AP2A1: variants seen among roughly 807,000 people sequenced by gnomAD.
The protein encoded by AP2A1 is AP-2 complex subunit alpha-1.
Under a neutral mutation model 107.3 loss-of-function variants are expected in AP2A1, and 21 were observed. The ratio of observed to expected loss-of-function variants is 0.20; its 90% CI spans 0.14 to 0.28. The LOEUF (loss-of-function observed/expected upper bound fraction) is 0.28, where lower values mean the gene tolerates loss of function less well. Among genes scored for constraint, AP2A1 ranks in the 10% least tolerant of loss-of-function variants. The probability of loss-of-function intolerance (pLI) is 1.00; values close to 1 mark genes in which losing one functional copy is unlikely to be tolerated. For missense variants in AP2A1, 873 were observed against 1,307.7 expected (o/e 0.67, Z 5.13); for synonymous variants, 602 against 564.8 (o/e 1.07, Z -0.93).
intron 1 of AP2A1, among the ~76,000 whole-genome samples, chr19:49,778,595 A>G (rs946929423): frequency 7.2e-5 from 11 of 152,070 alleles, no homozygotes; most frequent in African/African-American, 2.7e-4. Flanking sequence ...AGATAAAACA[A>G]AAAAACCTGC....
At chr19:49,779,033 C>CA (rs35911768) in intron 1 of AP2A1, among the ~76,000 whole-genome samples, 35,125 of 120,820 alleles carry the variant, frequency 0.29, 4,617 homozygotes, top group Middle Eastern at 0.31. Context: ...TCATTGCTAC[C>CA]AAAAAAAAAA....
At chr19:49,790,935 C>G (rs553546315) in intron 4 of AP2A1, among the ~76,000 whole-genome samples, 1 of 152,236 alleles carries the variant, frequency 6.6e-6, no homozygotes, top group African/African-American at 2.4e-5. Flanking sequence ...CACGCTGATT[C>G]TCTGCTCACC....
intron 1 of AP2A1, among the ~76,000 whole-genome samples, chr19:49,771,168 T>G (rs2084552370): frequency 1.3e-5 from 2 of 151,766 alleles, no homozygotes. Flanking sequence ...GAGCTTCTTT[T>G]GGGTTCATGA....
Position 49,798,941 on chromosome 19 carries a change from C to G in AP2A1, c.954C>G (p.Ile318Met), listed in dbSNP as rs927679840. 1 of 1,552,660 alleles carries G rather than the reference C, an allele frequency of 6.4e-7. No homozygotes were observed. The highest frequency in any genetic ancestry group is 1.2e-5 in the South Asian group (1 of 84,110). The part of the protein sequence containing the change: ...AILFETISLI[I>M]HYDSEPNLLV... ...TCTTCGAGACCATCAGCCTCATCATCCACTATGACAGGTGCCCGCCTGGGC... is the reference window on the plus strand; with the variant it reads ...TCTTCGAGACCATCAGCCTCATCATGCACTATGACAGGTGCCCGCCTGGGC... The change falls in exon 8 of 23, where the codon ATC becomes ATG. Residue 318 changes from isoleucine to methionine, a missense_variant. Transcript: ENST00000354293.
chr19:49,803,125 C>T lies in AP2A1; in HGVS notation c.2190C>T (p.Asn730=), dbSNP rs1248560735. Residue 730 remains asparagine, a synonymous_variant, in exon 17 of 23, where the codon AAC becomes AAT. Transcript: ENST00000354293. The part of the protein sequence containing the change: ...ELLNKFVCKN[N]GVLFENQLLQ... Reference sequence around the variant, plus strand: ...CCCTCAGGTTTGTGTGTAAGAACAACGGGGTCCTGTTCGAGAACCAGCTGC... The same window carrying T: ...CCCTCAGGTTTGTGTGTAAGAACAATGGGGTCCTGTTCGAGAACCAGCTGC... The T allele has an allele frequency of 5.0e-6, 8 of 1,613,964 alleles. No homozygotes were observed. Among genetic ancestry groups the T allele is most frequent in the South Asian group, 1.1e-5 (1 of 91,072 alleles).
chr19:49,770,702 G>A (rs2084547578), intron 1 of AP2A1, among the ~76,000 whole-genome samples: 1 of 152,172 alleles, frequency 6.6e-6, no homozygotes, highest in Non-Finnish European at 1.5e-5. Context: ...ATGACACCAA[G>A]TGAAAGAAGC....
intron 3 of AP2A1, among the ~76,000 whole-genome samples, 154 bp from the exon 4 acceptor site, chr19:49,782,377 G>A (rs1383525388): frequency 1.3e-5 from 2 of 150,948 alleles, no homozygotes; most frequent in Non-Finnish European, 3.0e-5. Context: ...GGGCCTGGGG[G>A]CCTGGACTTG....
chr19:49,777,364 G>T (rs1193868498), intron 1 of AP2A1, among the ~76,000 whole-genome samples: 1 of 151,548 alleles, frequency 6.6e-6, no homozygotes, highest in African/African-American at 2.4e-5. Flanking sequence ...AGCCGGGCGC[G>T]GTGGCTCATG....
At chr19:49,773,186 G>A (rs568854734) in intron 1 of AP2A1, among the ~76,000 whole-genome samples, 2 of 152,302 alleles carry the variant, frequency 1.3e-5, no homozygotes, top group Admixed American at 6.5e-5. Context: ...GGCCCAGCCC[G>A]AGGGCGTGTT....
intron 1 of AP2A1, among the ~76,000 whole-genome samples, chr19:49,778,500 T>C (rs1428517408): frequency 6.6e-6 from 1 of 152,166 alleles, no homozygotes; most frequent in African/African-American, 2.4e-5. Context: ...GGAGAATCAC[T>C]TGAACCCAGG....
At chr19:49,795,518 T>C in intron 6 of AP2A1, 112 bp from the exon 7 acceptor site, 2 of 723,692 alleles carry the variant, frequency 2.8e-6, no homozygotes, top group Non-Finnish European at 4.8e-6. Context: ...AACAAAACCA[T>C]TAACACTGAC....
At chr19:49,801,364 C>G in intron 12 of AP2A1, 26 bp from the exon 13 acceptor site, 1 of 1,599,522 alleles carries the variant, frequency 6.3e-7, no homozygotes. Context: ...GAACCTGGCC[C>G]CGCTGACACC....
In AP2A1 at chr19:49,795,632, C is replaced by T. The variant is rs1464839915; in HGVS notation, c.708C>T (p.Ile236=). 9.6e-6 allele frequency: 12 copies of T among 1,247,780 alleles called. No individual in the cohort carries two copies. The highest frequency in any genetic ancestry group is 2.1e-4 in the Middle Eastern group (1 of 4,656). 77.3% of individuals were successfully genotyped at this position (1,247,780 alleles called of 1,614,324 possible). A position where few individuals can be genotyped will look rare whatever the true frequency, so the allele number is the denominator to read the frequency against. The part of the protein sequence containing the change: ...VSLAVSRLSR[I]VSSASTDLQD... ...TATTTCTTGCTCTTCCCCGCCAGAT[C>T]GTCTCCTCTGCCTCCACCGACCTCC... Residue 236 remains isoleucine, a splice_region_variant and synonymous_variant, in exon 7 of 23, where the codon ATC becomes ATT. Transcript: ENST00000354293.
At position 49,782,252 on chromosome 19, in the gene AP2A1, G is replaced by T. The variant is rs62129180; in HGVS notation, c.279+163G>T. Among the ~76,000 whole-genome samples, 3,159 of 149,914 alleles carry T rather than the reference G, an allele frequency of 0.021. 51 individuals are homozygous for T. Among genetic ancestry groups the T allele is most frequent in the South Asian group, 0.074 (336 of 4,528 alleles). On this transcript the variant is annotated intron_variant, in intron 3 of 22. Coordinates refer to ENST00000354293, the MANE Select transcript of AP2A1 (RefSeq NM_130787.3). ...GGGGCTCTGGACTGCTGGGTCTGAG[G>T]GAGGAGGGGGCTGGGGGTCTGGACT...
Position 49,805,661 on chromosome 19 carries a change from G to A in AP2A1, c.2469G>A (p.Arg823=), listed in dbSNP as rs188595465. 5.0e-4 allele frequency: 775 copies of A among 1,560,116 alleles called. 2 individuals carry two copies. In the African/African-American group the frequency reaches 9.2e-3, roughly 19 times the overall value. ...TGGAGCCTCCCTTTCACCTCATCAG[G>A]TACGGTGGCGCCCCCCAGGCCCTCA... ...LTPPLLSVRF[R]YGGAPQALTL... Residue 823 remains arginine (R), a splice_region_variant and synonymous_variant, in exon 20 of 23, where the codon CGG becomes CGA. Coordinates refer to ENST00000354293, the MANE Select transcript of AP2A1 (RefSeq NM_130787.3).
chr19:49,802,794 C>A, intron 15 of AP2A1, 155 bp from the exon 16 acceptor site: 2 of 1,047,996 alleles, frequency 1.9e-6, no homozygotes, highest in Non-Finnish European at 2.8e-6. Flanking sequence ...GAGGCCACTG[C>A]TGGATGGATG....
intron 4 of AP2A1, among the ~76,000 whole-genome samples, chr19:49,791,229 T>A (rs2073138593): frequency 6.6e-6 from 1 of 152,176 alleles, no homozygotes; most frequent in Non-Finnish European, 1.5e-5. Flanking sequence ...TATTTTTAAA[T>A]TTTTTTATTT....
At chr19:49,773,384 A>T (rs2084585213) in intron 1 of AP2A1, among the ~76,000 whole-genome samples, 1 of 152,186 alleles carries the variant, frequency 6.6e-6, no homozygotes, top group South Asian at 2.1e-4. Flanking sequence ...TCCCACTCCA[A>T]ATGGTGATCC....
intron 21 of AP2A1, 48 bp downstream of exon 21, chr19:49,805,989 C>G (rs770398553): frequency 4.5e-5 from 73 of 1,613,064 alleles, no homozygotes; most frequent in Non-Finnish European, 6.2e-5. Context: ...CTTTGCTTCT[C>G]TGAGCCTCTG....
Sources: allele counts gnomAD v4.1 joint callset (sites outside exome capture counted in the v4.1 genomes callset), GRCh38; gene constraint gnomAD v4.1.1; transcripts MANE v1.5; gene names NCBI Gene and HGNC (gene_info 2026-07-23, HGNC 2026-07-21).